Variants in DENND2C observed in about 807,000 individuals in gnomAD.
The protein encoded by DENND2C is DENN domain containing 2C.
Under a neutral mutation model 112.4 loss-of-function variants are expected in DENND2C, and 72 were observed. That is an observed-to-expected ratio of 0.64 (90% confidence interval 0.53 to 0.78). The LOEUF (loss-of-function observed/expected upper bound fraction) is 0.78, where lower values mean the gene tolerates loss of function less well. Ranked by LOEUF, DENND2C falls within the 30% of genes least tolerant of loss-of-function variation. The pLI is 0.00. For synonymous variants in DENND2C, 329 were observed against 381.6 expected (o/e 0.86, Z 1.61); for missense variants, 992 against 1,113.8 (o/e 0.89, Z 1.56).
At chr1:114,655,520 G>C (rs779107909) in intron 1 of DENND2C, among the ~76,000 whole-genome samples, 3 of 152,118 alleles carry the variant, frequency 2.0e-5, no homozygotes, top group African/African-American at 7.2e-5. Context: ...GTCTCGCTCT[G>C]TTGCCCAGGC....
chr1:114,647,353 A>G (rs186342634), intron 2 of DENND2C, among the ~76,000 whole-genome samples: 94 of 151,340 alleles, frequency 6.2e-4, no homozygotes, highest in African/African-American at 2.1e-3. Flanking sequence ...TATGGAGTAC[A>G]ATGTGATTTT....
intron 1 of DENND2C, among the ~76,000 whole-genome samples, chr1:114,669,538 A>G (rs1223775615): frequency 6.6e-6 from 1 of 152,146 alleles, no homozygotes; most frequent in Admixed American, 6.5e-5. Flanking sequence ...TCAAAACACC[A>G]AAAAAAGCAA....
chr1:114,587,599 A>G lies in DENND2C; in HGVS notation c.2668+117T>C, dbSNP rs1007740558. On this transcript the variant is annotated intron_variant, in intron 19 of 20. Coordinates refer to ENST00000393274, the MANE Select transcript of DENND2C (RefSeq NM_001256404.2). ...AACAATATTACAAAATAATTCTCAT[A>G]ATAAACAACTCAGATTTTAAGCCCT... is the stretch of plus-strand genomic sequence containing the variant. The G allele has an allele frequency of 2.2e-5, 31 of 1,414,696 alleles. No individual in the cohort carries two copies. The Admixed American group carries it at 4.3e-4, about 19-fold the overall frequency. The allele number at this position is 1,414,696 out of a possible 1,614,324, so 87.6% of individuals were successfully genotyped here.
At chr1:114,631,535 G>C (rs113962952) in intron 3 of DENND2C, among the ~76,000 whole-genome samples, 2 of 152,144 alleles carry the variant, frequency 1.3e-5, no homozygotes, top group African/African-American at 4.8e-5. Context: ...TGTAATCCCA[G>C]CACTTTGGGA....
At chr1:114,618,965 A>G (rs1219917800) in intron 7 of DENND2C, among the ~76,000 whole-genome samples, 3 of 152,262 alleles carry the variant, frequency 2.0e-5, no homozygotes, top group Non-Finnish European at 4.4e-5. Context: ...TTCTAAGAGT[A>G]CTAACATTAT....
intron 3 of DENND2C, among the ~76,000 whole-genome samples, chr1:114,641,073 T>C (rs1418257668): frequency 6.6e-6 from 1 of 151,990 alleles, no homozygotes; most frequent in African/African-American, 2.4e-5. Context: ...ATCTGTTTTT[T>C]AGAGAGCAGG....
chr1:114,654,922 G>A lies in DENND2C; in HGVS notation c.-573-161C>T, dbSNP rs1657267848. Among the ~76,000 whole-genome samples, 3 of 152,212 alleles carry A rather than the reference G, an allele frequency of 2.0e-5. No homozygotes were observed. The South Asian group carries it at 6.2e-4, about 32-fold the overall frequency. ...TCCAGCTATTACATCCACATTCCAGGAAGCAAAAAGGAAAAACGCTCTATT... is the reference window on the plus strand; with the variant it reads ...TCCAGCTATTACATCCACATTCCAGAAAGCAAAAAGGAAAAACGCTCTATT... On this transcript the variant is annotated intron_variant, in intron 1 of 20. Transcript: ENST00000393274.
intron 3 of DENND2C, 31 bp from the exon 4 acceptor site, chr1:114,626,219 C>T (rs1656337765): frequency 2.4e-6 from 1 of 422,036 alleles, no homozygotes; most frequent in Non-Finnish European, 4.2e-6. Context: ...TATGTTAACA[C>T]ATTTTATAAT....
chr1:114,632,188 C>T (rs1656509676), intron 3 of DENND2C, among the ~76,000 whole-genome samples: 1 of 152,102 alleles, frequency 6.6e-6, no homozygotes, highest in Non-Finnish European at 1.5e-5. Flanking sequence ...TTGCTTTACC[C>T]TACATATAAC....
chr1:114,608,312 CG>C (rs1369658221), intron 10 of DENND2C, among the ~76,000 whole-genome samples: 1 of 151,942 alleles, frequency 6.6e-6, no homozygotes, highest in East Asian at 1.9e-4. Context: ...CTTAAAGTCA[CG>C]GAACTAGTAA....
chr1:114,655,883 A>ATACATATAT (rs1557960847), intron 1 of DENND2C, among the ~76,000 whole-genome samples: 16 of 125,890 alleles, frequency 1.3e-4, no homozygotes, highest in Admixed American at 1.3e-3. Context: ...TATATGTATA[A>ATACATATAT]ATATATATAT....
At chr1:114,638,966 G>C (rs773818116) in intron 3 of DENND2C, among the ~76,000 whole-genome samples, 2 of 151,828 alleles carry the variant, frequency 1.3e-5, no homozygotes, top group African/African-American at 4.8e-5. Flanking sequence ...CTTAAATCCA[G>C]AATAAAAAAT....
At chr1:114,658,993 T>A (rs1440134688) in intron 1 of DENND2C, among the ~76,000 whole-genome samples, 1 of 152,188 alleles carries the variant, frequency 6.6e-6, no homozygotes, top group Non-Finnish European at 1.5e-5. Context: ...ACTCAGTTAT[T>A]GATGTGATGC....
At chr1:114,650,499 C>T (rs1657125371) in intron 2 of DENND2C, among the ~76,000 whole-genome samples, 3 of 148,620 alleles carry the variant, frequency 2.0e-5, no homozygotes, top group South Asian at 4.2e-4. Context: ...GCTGTCTCTA[C>T]TAAAAATACA....
At chr1:114,650,673 CAAAAAAAAAA>C (rs58693255) in intron 2 of DENND2C, among the ~76,000 whole-genome samples, 11 of 61,614 alleles carry the variant, frequency 1.8e-4, no homozygotes, top group East Asian at 1.0e-3. Flanking sequence ...GACTCCGTCT[CAAAAAAAAAA>C]AAAAAAAAAA....
Position 114,599,415 on chromosome 1 carries a change from T to C in DENND2C, c.2142A>G (p.Thr714=), listed in dbSNP as rs1272309211. The change falls in exon 16 of 21, where the codon ACA becomes ACG. Residue 714 remains threonine, a synonymous_variant. Transcript: ENST00000393274. ...LSKCGHAVVA[T]LYPFTWQHTY... is the part of the protein sequence containing the mutation. The stretch of plus-strand genomic sequence containing the variant: ...TATGCTGCCAGGTGAACGGATACAG[T>C]GTAGCTACCACAGCATGGCCACATT... 1 of 1,613,938 alleles carries C rather than the reference T, an allele frequency of 6.2e-7. No homozygotes were observed.
Position 114,605,032 on chromosome 1 carries a change from C to T in DENND2C, c.1558-1G>A. The T allele has an allele frequency of 1.2e-6, 2 of 1,605,746 alleles. No individual in the cohort carries two copies. Among genetic ancestry groups the T allele is most frequent in the South Asian group, 1.1e-5 (1 of 90,552 alleles). ...TGGACTGCTTATAGCCATGATCATCCTGAAAAAGATAACACCATAGGTGAC... is the reference window on the plus strand; with the variant it reads ...TGGACTGCTTATAGCCATGATCATCTTGAAAAAGATAACACCATAGGTGAC... On this transcript the variant is annotated splice_acceptor_variant, in intron 10 of 20. Coordinates refer to ENST00000393274, the MANE Select transcript of DENND2C (RefSeq NM_001256404.2). LOFTEE classifies it high-confidence loss of function.
intron 8 of DENND2C, among the ~76,000 whole-genome samples, chr1:114,612,383 ACTCTG>A (rs1655844968): frequency 6.9e-6 from 1 of 144,752 alleles, no homozygotes; most frequent in Non-Finnish European, 1.5e-5. Flanking sequence ...ACAGGGTCTC[ACTCTG>A]CTGCACAGGC....
chr1:114,622,965 T>G (rs759067197), intron 6 of DENND2C, 22 bp downstream of exon 6: 2 of 1,549,860 alleles, frequency 1.3e-6, no homozygotes, highest in African/African-American at 1.4e-5. Context: ...AATGTTTTCT[T>G]CAATTCATTA....
Sources: allele counts gnomAD v4.1 joint callset (sites outside exome capture counted in the v4.1 genomes callset), GRCh38; gene constraint gnomAD v4.1.1; transcripts MANE v1.5; gene names NCBI Gene and HGNC (gene_info 2026-07-23, HGNC 2026-07-21).